Variants in SLIT3 observed in about 807,000 individuals in gnomAD.
SLIT3 encodes slit guidance ligand 3, also known as slit homolog 3 protein.
In SLIT3, 68 loss-of-function variants were observed where a neutral mutation model predicts 184.0. The ratio of observed to expected loss-of-function variants is 0.37; its 90% CI spans 0.30 to 0.45. SLIT3 has a LOEUF of 0.45. SLIT3 is among the 20% of genes least tolerant of loss of function. The probability of loss-of-function intolerance (pLI) is 1.00; values close to 1 mark genes in which losing one functional copy is unlikely to be tolerated. For synonymous variants in SLIT3, 831 were observed against 828.6 expected (o/e 1.00, Z -0.05); for missense variants, 1,707 against 2,026.0 (o/e 0.84, Z 3.02).
chr5:169,260,679 A>C (rs1004464867), intron 1 of SLIT3, among the ~76,000 whole-genome samples: 8 of 152,194 alleles, frequency 5.3e-5, no homozygotes, highest in African/African-American at 1.7e-4. Flanking sequence ...CTCTCCTGGA[A>C]TATTCCTAAT....
At chr5:168,920,950 C>T (rs977322927) in intron 4 of SLIT3, among the ~76,000 whole-genome samples, 3 of 152,154 alleles carry the variant, frequency 2.0e-5, no homozygotes, top group African/African-American at 7.2e-5. Context: ...GGGATAACTG[C>T]TTGCAGCCTT....
At chr5:168,796,916 G>GGGGGAAAGCAGGGAGAAA (rs550110778) in intron 9 of SLIT3, among the ~76,000 whole-genome samples, 278 of 152,278 alleles carry the variant, frequency 1.8e-3, no homozygotes, top group Admixed American at 4.2e-3. Flanking sequence ...GCAAAAGGAA[G>GGGGGAAAGCAGGGAGAAA]GGGGAAAGCA....
At chr5:169,136,551 G>C (rs6881272) in intron 4 of SLIT3, among the ~76,000 whole-genome samples, 1 of 151,974 alleles carries the variant, frequency 6.6e-6, no homozygotes, top group Non-Finnish European at 1.5e-5. Flanking sequence ...TAGTCCCGTC[G>C]TGGGTCAGTC....
intron 4 of SLIT3, among the ~76,000 whole-genome samples, chr5:169,167,270 T>G (rs1268975363): frequency 3.4e-5 from 4 of 117,474 alleles, no homozygotes; most frequent in African/African-American, 1.0e-4. Flanking sequence ...TCTAAGCACT[T>G]TTTTTTTTTT....
intron 23 of SLIT3, among the ~76,000 whole-genome samples, chr5:168,717,425 C>T (rs1431765985): frequency 6.6e-6 from 1 of 151,744 alleles, no homozygotes; most frequent in Admixed American, 6.6e-5. Flanking sequence ...GGTTAGGTGC[C>T]TCTCACTTGT....
chr5:169,234,766 T>A (rs958865718), intron 3 of SLIT3, among the ~76,000 whole-genome samples: 1 of 152,128 alleles, frequency 6.6e-6, no homozygotes, highest in African/African-American at 2.4e-5. Context: ...GAGGCCTAAG[T>A]TCTTGAATGT....
rs186161320 is a variant in SLIT3, at chr5:168,946,549, G to C, written c.414-63213C>G. Among the ~76,000 whole-genome samples the C allele has an allele frequency of 5.4e-4, 83 of 152,348 alleles. 1 individual carries two copies. The highest frequency in any genetic ancestry group is 1.9e-3 in the African/African-American group (79 of 41,578). On this transcript the variant is annotated intron_variant, in intron 4 of 35. Transcript: ENST00000519560. ...CCAGCCTTGTTCACGCAGCACAACAGTGACATCCAGGGGAGAGGCTTGGTG... is the reference window on the plus strand; with the variant it reads ...CCAGCCTTGTTCACGCAGCACAACACTGACATCCAGGGGAGAGGCTTGGTG...
chr5:169,008,054 T>A (rs1755997047), intron 4 of SLIT3, among the ~76,000 whole-genome samples: 1 of 152,190 alleles, frequency 6.6e-6, no homozygotes, highest in Admixed American at 6.5e-5. Context: ...TGTTCTGCCA[T>A]GATGTAAGAT....
chr5:168,749,723 C>T, intron 18 of SLIT3, 88 bp from the exon 19 acceptor site: 1 of 1,438,980 alleles, frequency 6.9e-7, no homozygotes, highest in South Asian at 1.2e-5. Flanking sequence ...CTCTCCTAGC[C>T]AGGAAGGAGG....
Position 168,885,471 on chromosome 5 carries a change from G to A in SLIT3, c.414-2135C>T, listed in dbSNP as rs182179652. On this transcript the variant is annotated intron_variant, in intron 4 of 35. Transcript: ENST00000519560. ...ACTCAGCTGCTCTCCATCAGCCTCC[G>A]GAGCAGGGGCCCAGGTCCTGTCATC... 2.7e-3 allele frequency among the ~76,000 whole-genome samples: 415 copies of A among 152,284 alleles called. 3 individuals carry two copies. Among genetic ancestry groups the A allele is most frequent in the African/African-American group, 9.8e-3 (409 of 41,560 alleles).
In SLIT3 at chr5:169,300,453, G is replaced by T; in HGVS notation, c.197+60C>A. Reference sequence around the variant, plus strand: ...AGGGGAAAGGACGGATCTGGCGCCTGGGGCCCCCTCGGTGGGACCCAGGTG... The same window carrying T: ...AGGGGAAAGGACGGATCTGGCGCCTTGGGCCCCCTCGGTGGGACCCAGGTG... On this transcript the variant is annotated intron_variant, in intron 1 of 35. Coordinates refer to ENST00000519560, the MANE Select transcript of SLIT3 (RefSeq NM_003062.4). This position sits in a 1 kb window ranked among gnomAD's most constrained non-coding sequence, Gnocchi z 4.1. The T allele has an allele frequency of 7.2e-7, 1 of 1,391,546 alleles. No individual in the cohort carries two copies. The allele number at this position is 1,391,546 out of a possible 1,614,324, so 86.2% of individuals were successfully genotyped here.
rs1229370006 is a variant in SLIT3 at position 168,746,333 on chromosome 5, GA to G, written c.2270+1968del. 7.1e-3 allele frequency among the ~76,000 whole-genome samples: 920 copies of G among 129,008 alleles called. 4 individuals carry two copies. The highest frequency in any genetic ancestry group is 0.011 in the Admixed American group (122 of 11,440). The allele number at this position is 129,008 out of a possible 152,430, so 84.6% of individuals were successfully genotyped here. ...GTGGGTGTGGTGGTATGTGGTGTGT[GA>G]GTGTGGTGGTGTGGGTGTGTGGTGG... On this transcript the variant is annotated intron_variant, in intron 20 of 35. Coordinates refer to ENST00000519560, the MANE Select transcript of SLIT3 (RefSeq NM_003062.4).
At chr5:168,796,845 C>G (rs1330942193) in intron 9 of SLIT3, among the ~76,000 whole-genome samples, 2 of 152,130 alleles carry the variant, frequency 1.3e-5, no homozygotes, top group Non-Finnish European at 2.9e-5. Flanking sequence ...AACAACATCT[C>G]AGCTGCTAAT....
intron 14 of SLIT3, among the ~76,000 whole-genome samples, chr5:168,763,829 T>C (rs546553818): frequency 6.6e-6 from 1 of 152,180 alleles, no homozygotes; most frequent in African/African-American, 2.4e-5. Flanking sequence ...AAACAAGAGA[T>C]GGGTCCACAT....
At chr5:168,707,934 A>C (rs756621495) in intron 26 of SLIT3, 42 bp downstream of exon 26, 77 of 1,612,372 alleles carry the variant, frequency 4.8e-5, no homozygotes, top group Non-Finnish European at 6.2e-5. Context: ...CTGAAGGAGG[A>C]GCCTGAGGCA....
At chr5:169,157,962 TAA>T (rs35904066) in intron 4 of SLIT3, among the ~76,000 whole-genome samples, 2 of 143,044 alleles carry the variant, frequency 1.4e-5, no homozygotes. Flanking sequence ...AAAACAGAAT[TAA>T]AAAAAAAAAA....
intron 4 of SLIT3, among the ~76,000 whole-genome samples, chr5:169,066,904 A>G (rs1758365584): frequency 1.3e-5 from 2 of 150,432 alleles, no homozygotes; most frequent in Admixed American, 1.3e-4. Context: ...AAAAACATTC[A>G]TGATATATTG....
At chr5:168,768,301 C>A (rs1439390178) in intron 14 of SLIT3, 1 of 473,362 alleles carries the variant, frequency 2.1e-6, no homozygotes, top group East Asian at 6.7e-5. Context: ...CAGGAGCGCT[C>A]AGAGGAAGCA....
intron 4 of SLIT3, among the ~76,000 whole-genome samples, chr5:169,081,120 C>T (rs961363158): frequency 6.6e-6 from 1 of 152,194 alleles, no homozygotes; most frequent in South Asian, 2.1e-4. Flanking sequence ...TGCACAATCA[C>T]GAAAGGCCTG....
Sources: allele counts gnomAD v4.1 joint callset (sites outside exome capture counted in the v4.1 genomes callset), GRCh38; gene constraint gnomAD v4.1.1; non-coding constraint Gnocchi (gnomAD v3.1); transcripts MANE v1.5; gene names NCBI Gene and HGNC (gene_info 2026-07-23, HGNC 2026-07-21).